CNTN5: variants seen among roughly 807,000 people sequenced by gnomAD.
The protein encoded by CNTN5 is contactin 5.
CNTN5 carries 77 observed loss-of-function variants against 129.1 expected under a neutral mutation model. That is an observed-to-expected ratio of 0.60 (90% CI 0.50 to 0.72). The LOEUF is 0.72. Ranked by LOEUF, CNTN5 falls within the 30% of genes least tolerant of loss-of-function variation. The pLI is 0.00. For synonymous variants in CNTN5, 509 were observed against 465.6 expected (o/e 1.09, Z -1.20); for missense variants, 1,478 against 1,328.8 (o/e 1.11, Z -1.75).
rs1315217145 is a variant in CNTN5, at chr11:99,425,719, G to A, written c.-71+100235G>A. Among the ~76,000 whole-genome samples, 3 of 152,226 alleles carry A rather than the reference G, an allele frequency of 2.0e-5. No homozygotes were observed. The East Asian group carries it at 5.8e-4, about 29-fold the overall frequency. ...CTTCCTGAGCCTCTGAGAATGCAGG[G>A]ATGCCGAGGTCTGCAGCCATGGCTG... On this transcript the variant is annotated intron_variant, in intron 2 of 24. Coordinates refer to ENST00000524871, the MANE Select transcript of CNTN5 (RefSeq NM_014361.4).
At chr11:99,113,558 G>A (rs1329092877) in intron 1 of CNTN5, among the ~76,000 whole-genome samples, 1 of 152,102 alleles carries the variant, frequency 6.6e-6, no homozygotes, top group Admixed American at 6.6e-5. Flanking sequence ...CCTCAGAATT[G>A]CCTATTTGAA....
intron 10 of CNTN5, among the ~76,000 whole-genome samples, chr11:100,062,238 A>T (rs1197059490): frequency 2.0e-5 from 3 of 152,202 alleles, no homozygotes; most frequent in Non-Finnish European, 2.9e-5. Flanking sequence ...ATATATAGTT[A>T]TCCAAATTTC....
chr11:99,193,926 A>T (rs1565392967), intron 1 of CNTN5, among the ~76,000 whole-genome samples: 1 of 152,190 alleles, frequency 6.6e-6, no homozygotes, highest in African/African-American at 2.4e-5. Context: ...AGGTAAAGAA[A>T]ACAGATCATT....
chr11:99,889,312 GTGT>G (rs1565642581), intron 6 of CNTN5, among the ~76,000 whole-genome samples: 1,233 of 113,260 alleles, frequency 0.011, 33 homozygotes, highest in African/African-American at 0.032. Context: ...GTGTGTGTGT[GTGT>G]GTGTGTGTGT....
intron 6 of CNTN5, among the ~76,000 whole-genome samples, chr11:99,889,660 C>T (rs561562684): frequency 2.6e-5 from 4 of 151,564 alleles, no homozygotes; most frequent in African/African-American, 4.9e-5. Context: ...CTCAGCCTCC[C>T]GAGTAGCTGG....
At chr11:99,080,648 T>C (rs1339373029) in intron 1 of CNTN5, among the ~76,000 whole-genome samples, 1 of 152,260 alleles carries the variant, frequency 6.6e-6, no homozygotes, top group Non-Finnish European at 1.5e-5. Flanking sequence ...TTTTTGGACT[T>C]GGGAATGGGA....
chr11:100,199,797 T>G (rs1356091050), intron 15 of CNTN5, among the ~76,000 whole-genome samples: 1 of 151,986 alleles, frequency 6.6e-6, no homozygotes, highest in East Asian at 1.9e-4. Context: ...TAATATTTCA[T>G]GTATTGATGA....
chr11:100,222,808 T>G (rs764733621), intron 15 of CNTN5, among the ~76,000 whole-genome samples: 2 of 152,082 alleles, frequency 1.3e-5, no homozygotes, highest in Admixed American at 6.6e-5. Flanking sequence ...GCCTGTAGTG[T>G]GCACAGCCAT....
intron 1 of CNTN5, among the ~76,000 whole-genome samples, chr11:99,104,532 T>C (rs1328653907): frequency 2.0e-5 from 3 of 152,048 alleles, no homozygotes; most frequent in Non-Finnish European, 4.4e-5. Flanking sequence ...AAAACTGATT[T>C]TACATGTTCT....
chr11:100,112,865 C>G (rs1165524100), intron 13 of CNTN5, among the ~76,000 whole-genome samples: 2 of 152,044 alleles, frequency 1.3e-5, no homozygotes, highest in Admixed American at 1.3e-4. Flanking sequence ...GACTAACTCC[C>G]AGTTAATAAT....
intron 16 of CNTN5, among the ~76,000 whole-genome samples, chr11:100,254,053 C>T (rs79710910): frequency 0.026 from 3,905 of 152,184 alleles, 125 homozygotes; most frequent in African/African-American, 0.078. Context: ...TGATGATAAA[C>T]AATATCAGAA....
intron 8 of CNTN5, among the ~76,000 whole-genome samples, chr11:99,997,028 A>G (rs1939495319): frequency 6.6e-6 from 1 of 152,110 alleles, no homozygotes; most frequent in South Asian, 2.1e-4. Context: ...CATTCTTTGC[A>G]CATTTCAAAA....
Position 100,271,116 on chromosome 11 carries a change from T to G in CNTN5, c.2189T>G (p.Met730Arg), listed in dbSNP as rs764795437. 6.2e-7 allele frequency: 1 copy of G among 1,611,080 alleles called. No homozygotes were observed. ...KTVPEIITGD[M>R]ESAMAVDLNP... The stretch of plus-strand genomic sequence containing the variant: ...GTCCCAGAAATCATAACAGGGGACA[T>G]GGAGTCAGCCATGGCTGTGGACCTA... The change falls in exon 18 of 25, where the codon ATG (methionine) becomes AGG (arginine). Residue 730 changes from methionine to arginine, a missense_variant. Physicochemically the swap from Met to Arg is moderately conservative, Grantham distance 91. Coordinates refer to ENST00000524871, the MANE Select transcript of CNTN5 (RefSeq NM_014361.4).
At chr11:99,928,651 G>A (rs1167906580) in intron 7 of CNTN5, among the ~76,000 whole-genome samples, 2 of 152,180 alleles carry the variant, frequency 1.3e-5, no homozygotes, top group African/African-American at 2.4e-5. Flanking sequence ...GCACAAAGCA[G>A]CAGGGCCCTG....
At chr11:99,778,068 G>A (rs1406500835) in intron 3 of CNTN5, among the ~76,000 whole-genome samples, 1 of 151,772 alleles carries the variant, frequency 6.6e-6, no homozygotes, top group Non-Finnish European at 1.5e-5. Flanking sequence ...TTCAGATTGA[G>A]TTGAATTTTT....
At chr11:100,280,947 A>G (rs1950622405) in intron 18 of CNTN5, among the ~76,000 whole-genome samples, 1 of 152,174 alleles carries the variant, frequency 6.6e-6, no homozygotes, top group South Asian at 2.1e-4. Flanking sequence ...CAAAACAAAC[A>G]AGTAAAAAGA....
intron 8 of CNTN5, among the ~76,000 whole-genome samples, chr11:99,996,132 A>G (rs1040933940): frequency 3.9e-5 from 6 of 152,100 alleles, no homozygotes; most frequent in Non-Finnish European, 8.8e-5. Flanking sequence ...TATTATTGAC[A>G]CTGCCCATGC....
chr11:99,402,498 C>G (rs902428600), intron 2 of CNTN5, among the ~76,000 whole-genome samples: 3 of 152,030 alleles, frequency 2.0e-5, no homozygotes, highest in Admixed American at 6.6e-5. Flanking sequence ...GTTTTTGCAT[C>G]AATATTAATC....
intron 3 of CNTN5, among the ~76,000 whole-genome samples, chr11:99,645,852 G>T (rs977394969): frequency 3.9e-5 from 6 of 152,208 alleles, no homozygotes; most frequent in Admixed American, 3.9e-4. Flanking sequence ...TGTAAATGAC[G>T]GGTTGATAGG....
Sources: gnomAD v4.1 joint callset for allele counts (sites outside exome capture counted in the v4.1 genomes callset) on GRCh38, gnomAD v4.1.1 for gene constraint, MANE v1.5 for transcripts, NCBI Gene and HGNC (gene_info 2026-07-23, HGNC 2026-07-21) for gene names.